SLC24A2: variants seen among roughly 807,000 people sequenced by gnomAD.
The protein encoded by SLC24A2 is sodium/potassium/calcium exchanger 2.
In SLC24A2, 36 loss-of-function variants were observed where a neutral mutation model predicts 62.0. That is an observed-to-expected ratio of 0.58 (90% CI 0.44 to 0.77). The LOEUF is 0.77. Among genes scored for constraint, SLC24A2 ranks in the 30% least tolerant of loss-of-function variants. The pLI is 0.00. For missense variants in SLC24A2, 846 were observed against 817.9 expected, an observed-to-expected ratio of 1.03 and a Z score of -0.42; for synonymous variants, 358 against 294.0, an observed-to-expected ratio of 1.22 and a Z score of -2.23.
chr9:19,947,808 A>AAGAAAGAAAGAAAGACAGAAAGAAAG, the SLC24A2 span, among the ~76,000 whole-genome samples: 1 of 59,226 alleles, frequency 1.7e-5, no homozygotes, highest in African/African-American at 8.0e-5. Flanking sequence ...AAAAAAAAAA[A>AAGAAAGAAAGAAAGACAGAAAGAAAG]AAAGAAAGAA....
chr9:20,235,178 C>A, the SLC24A2 span, among the ~76,000 whole-genome samples: 7 of 152,338 alleles, frequency 4.6e-5, no homozygotes, highest in African/African-American at 1.7e-4. Flanking sequence ...GGGTCAGGGA[C>A]CCACTTGAGG....
chr9:20,069,894 C>CA, the SLC24A2 span, among the ~76,000 whole-genome samples: 97 of 152,200 alleles, frequency 6.4e-4, 2 homozygotes, highest in South Asian at 0.02. Flanking sequence ...ACTGTATTTC[C>CA]ACCACTTCCT....
chr9:19,992,904 G>C, the SLC24A2 span, among the ~76,000 whole-genome samples: 2 of 152,166 alleles, frequency 1.3e-5, no homozygotes, highest in African/African-American at 2.4e-5. Context: ...TCATCAGTGT[G>C]GGGTAGATTA....
the SLC24A2 span, among the ~76,000 whole-genome samples, chr9:20,087,115 C>T: frequency 1.3e-5 from 2 of 152,186 alleles, no homozygotes; most frequent in South Asian, 2.1e-4. Flanking sequence ...TATCCTTTCT[C>T]CCCGCTCTTC....
the SLC24A2 span, chr9:19,895,831 C>T: frequency 2.4e-5 from 38 of 1,604,820 alleles, no homozygotes; most frequent in Admixed American, 8.5e-5. Flanking sequence ...GTGGAAGGAC[C>T]GCTCCTCAGG....
At chr9:19,792,449 C>T (rs985924260), upstream of SLC24A2, among the ~76,000 whole-genome samples, 1 of 147,516 alleles carries the variant, frequency 6.8e-6, no homozygotes, top group African/African-American at 2.5e-5. Context: ...AATCCCAGCA[C>T]TTTAGGAGGC....
At chr9:19,623,032 A>G (rs546938044) in intron 2 of SLC24A2, among the ~76,000 whole-genome samples, 25 of 152,346 alleles carry the variant, frequency 1.6e-4, no homozygotes, top group African/African-American at 5.3e-4. Flanking sequence ...ACAAGGGCAC[A>G]TAAAGGCCTG....
chr9:19,762,737 T>C (rs1030936405), intron 2 of SLC24A2, among the ~76,000 whole-genome samples: 1 of 151,800 alleles, frequency 6.6e-6, no homozygotes, highest in African/African-American at 2.4e-5. Context: ...TGAAGTCAGG[T>C]AGCTTGATGC....
chr9:20,275,224 G>A, the SLC24A2 span, among the ~76,000 whole-genome samples: 2 of 152,166 alleles, frequency 1.3e-5, no homozygotes, highest in Admixed American at 6.5e-5. Context: ...CAAGTGAGGA[G>A]AGAGAAGACC....
chr9:19,548,130 G>A (rs1834673006), intron 8 of SLC24A2, among the ~76,000 whole-genome samples: 1 of 151,644 alleles, frequency 6.6e-6, no homozygotes, highest in Non-Finnish European at 1.5e-5. Flanking sequence ...CCACTAGGCT[G>A]CATTATTTAA....
At chr9:20,044,444 G>A in the SLC24A2 span, among the ~76,000 whole-genome samples, 7 of 152,156 alleles carry the variant, frequency 4.6e-5, no homozygotes, top group East Asian at 7.7e-4. Flanking sequence ...CATGGGGAGG[G>A]CAGGGAGGAT....
chr9:20,038,881 A>G, the SLC24A2 span, among the ~76,000 whole-genome samples: 5 of 152,200 alleles, frequency 3.3e-5, no homozygotes, highest in African/African-American at 9.7e-5. Context: ...AAAGTCTTAG[A>G]AAGAGAAAAT....
chr9:19,707,782 AC>A (rs1820579237), intron 2 of SLC24A2, among the ~76,000 whole-genome samples: 1 of 152,114 alleles, frequency 6.6e-6, no homozygotes, highest in Non-Finnish European at 1.5e-5. Flanking sequence ...TCTATGACAA[AC>A]CCACAGCCAA....
the SLC24A2 span, chr9:19,957,962 T>C: frequency 6.5e-6 from 1 of 152,996 alleles, no homozygotes; most frequent in Non-Finnish European, 1.5e-5. Context: ...TGTTTTGTAA[T>C]AATTCATGAT....
the SLC24A2 span, among the ~76,000 whole-genome samples, chr9:20,019,291 G>A: frequency 1.3e-5 from 2 of 149,728 alleles, no homozygotes; most frequent in African/African-American, 5.0e-5. Flanking sequence ...AAGAAAGAAA[G>A]AAAGAAAGAA....
At chr9:19,854,030 G>A in the SLC24A2 span, among the ~76,000 whole-genome samples, 1 of 152,130 alleles carries the variant, frequency 6.6e-6, no homozygotes, top group South Asian at 2.1e-4. Flanking sequence ...TTCAGTCTTG[G>A]GAGGGTGTAT....
chr9:20,118,550 T>A, the SLC24A2 span, among the ~76,000 whole-genome samples: 17,133 of 152,134 alleles, frequency 0.11, 1,009 homozygotes, highest in Middle Eastern at 0.17. Context: ...AGTTTTTTTT[T>A]ATTTTTTATT....
At chr9:19,828,011 C>T in the SLC24A2 span, among the ~76,000 whole-genome samples, 7 of 152,084 alleles carry the variant, frequency 4.6e-5, no homozygotes, top group Admixed American at 1.3e-4. Flanking sequence ...CAGAAAGCAG[C>T]GAGGGATTAA....
At chr9:19,604,444 C>T (rs1347124960) in intron 4 of SLC24A2, among the ~76,000 whole-genome samples, 1 of 152,182 alleles carries the variant, frequency 6.6e-6, no homozygotes, top group African/African-American at 2.4e-5. Context: ...TAGAGAACAA[C>T]TTGGATATAC....
Sources: gnomAD v4.1 joint callset for allele counts (sites outside exome capture counted in the v4.1 genomes callset) on GRCh38, gnomAD v4.1.1 for gene constraint, MANE v1.5 for transcripts, NCBI Gene and HGNC (gene_info 2026-07-23, HGNC 2026-07-21) for gene names.